Variants in EYS observed in about 807,000 individuals in gnomAD.
The protein encoded by EYS is protein eyes shut homolog.
EYS carries 250 observed loss-of-function variants against 282.1 expected under a neutral mutation model. That is an observed-to-expected ratio of 0.89 (90% CI 0.80 to 0.98). The LOEUF (loss-of-function observed/expected upper bound fraction) is 0.98. EYS is among the 50% of genes least tolerant of loss of function. The pLI, the probability that EYS is intolerant of heterozygous loss-of-function variation, is 0.00. For synonymous variants in EYS, 1,355 were observed against 1,282.9 expected, an observed-to-expected ratio of 1.06 and a Z score of -1.20; for missense variants, 4,016 against 3,709.0, an observed-to-expected ratio of 1.08 and a Z score of -2.15.
At chr6:64,445,430 A>G (rs947213034) in intron 26 of EYS, among the ~76,000 whole-genome samples, 2 of 152,214 alleles carry the variant, frequency 1.3e-5, no homozygotes, top group African/African-American at 4.8e-5. Flanking sequence ...AAGAAACTTT[A>G]TCTGAATTGT....
chr6:64,025,334 C>G (rs554731850), intron 33 of EYS, among the ~76,000 whole-genome samples: 2 of 152,114 alleles, frequency 1.3e-5, no homozygotes, highest in South Asian at 4.1e-4. Context: ...TCCGAGGTCC[C>G]AACAACAAGT....
intron 22 of EYS, among the ~76,000 whole-genome samples, chr6:64,663,226 C>CA (rs1479457725): frequency 2.6e-5 from 4 of 152,006 alleles, no homozygotes; most frequent in East Asian, 3.9e-4. Context: ...GCTTGTAAAA[C>CA]AAAAAAGCCA....
At chr6:65,233,519 A>T (rs1186595309) in intron 12 of EYS, among the ~76,000 whole-genome samples, 2 of 152,140 alleles carry the variant, frequency 1.3e-5, no homozygotes, top group Non-Finnish European at 2.9e-5. Flanking sequence ...ATTTTGCATA[A>T]GCTCTCCTTA....
At chr6:64,264,382 T>C (rs927132981) in intron 30 of EYS, among the ~76,000 whole-genome samples, 4 of 152,086 alleles carry the variant, frequency 2.6e-5, no homozygotes, top group African/African-American at 9.7e-5. Flanking sequence ...TGATCTAACT[T>C]GGTCTCAGTT....
intron 8 of EYS, among the ~76,000 whole-genome samples, chr6:65,371,727 CTCTCTCTCTCTCTCTGTGTGTGTG>C (rs781384683): frequency 2.3e-5 from 3 of 129,594 alleles, no homozygotes; most frequent in African/African-American, 2.9e-5. Context: ...CTCTCTCTCT[CTCTCTCTCTCTCTCTGTGTGTGTG>C]TGTGTGTGTG....
chr6:63,829,475 A>C (rs55678650), intron 36 of EYS, among the ~76,000 whole-genome samples: 18,306 of 152,212 alleles, frequency 0.12, 1,331 homozygotes, highest in African/African-American at 0.19. Flanking sequence ...CTAGCACAGC[A>C]GTCTGAGATT....
At chr6:65,422,260 A>G (rs941587774) in intron 5 of EYS, among the ~76,000 whole-genome samples, 3 of 151,956 alleles carry the variant, frequency 2.0e-5, no homozygotes, top group Admixed American at 1.3e-4. Context: ...GAAAATAAAT[A>G]AAGCTTCCAA....
chr6:64,157,239 C>A (rs1774958150), intron 31 of EYS, among the ~76,000 whole-genome samples: 1 of 152,046 alleles, frequency 6.6e-6, no homozygotes, highest in Admixed American at 6.6e-5. Context: ...TTTCTTATGG[C>A]TGCATAGTAT....
chr6:65,639,969 T>C (rs1378330157), intron 1 of EYS, 77 bp from the exon 2 acceptor site: 1 of 152,204 alleles, frequency 6.6e-6, no homozygotes, highest in Admixed American at 6.5e-5. Flanking sequence ...CCACATCTTA[T>C]GGAGGGATAT....
At position 65,594,242 on chromosome 6, in the gene EYS, C is replaced by T. The variant is rs573068559; in HGVS notation, c.-333+45536G>A. Among the ~76,000 whole-genome samples, 115 of 152,108 alleles carry T rather than the reference C, an allele frequency of 7.6e-4. 2 individuals are homozygous for T. The South Asian group carries it at 0.022, about 29-fold the overall frequency. On this transcript the variant is annotated intron_variant, in intron 2 of 42. Transcript: ENST00000503581. Reference sequence around the variant, plus strand: ...TATGCTTTATTTCATTTTCACCTCACAATATCCCTGTGAGATGAGAACACT... The same window carrying T: ...TATGCTTTATTTCATTTTCACCTCATAATATCCCTGTGAGATGAGAACACT...
intron 19 of EYS, among the ~76,000 whole-genome samples, chr6:64,873,742 G>A (rs1445493586): frequency 1.3e-5 from 2 of 151,856 alleles, no homozygotes; most frequent in Non-Finnish European, 2.9e-5. Flanking sequence ...ATGTTCATTA[G>A]CTTGACTGAA....
At chr6:64,463,852 C>T (rs2150487223) in intron 26 of EYS, among the ~76,000 whole-genome samples, 1 of 152,142 alleles carries the variant, frequency 6.6e-6, no homozygotes, top group Non-Finnish European at 1.5e-5. Flanking sequence ...TAACTTCTAC[C>T]AAAAAATTAA....
intron 29 of EYS, among the ~76,000 whole-genome samples, chr6:64,318,480 A>G (rs1442507704): frequency 1.3e-5 from 2 of 152,042 alleles, no homozygotes; most frequent in South Asian, 2.1e-4. Flanking sequence ...TTACAACTCA[A>G]CAATTTTAAA....
At chr6:64,067,823 A>T (rs1771430886) in intron 32 of EYS, among the ~76,000 whole-genome samples, 1 of 152,172 alleles carries the variant, frequency 6.6e-6, no homozygotes. Context: ...GAGATAGATT[A>T]TGCCACAGTT....
chr6:65,236,940 T>C (rs1034372198), intron 12 of EYS, among the ~76,000 whole-genome samples: 3 of 152,150 alleles, frequency 2.0e-5, no homozygotes, highest in African/African-American at 7.2e-5. Flanking sequence ...TTCAAAAACA[T>C]AAATTAAAAT....
chr6:64,190,467 A>G (rs1765069264), intron 31 of EYS, among the ~76,000 whole-genome samples: 1 of 152,168 alleles, frequency 6.6e-6, no homozygotes, highest in Non-Finnish European at 1.5e-5. Flanking sequence ...AGAGCATGCA[A>G]TCTCCAGGCA....
At chr6:65,501,168 C>A (rs183150611) in intron 2 of EYS, among the ~76,000 whole-genome samples, 15 of 151,792 alleles carry the variant, frequency 9.9e-5, no homozygotes, top group Non-Finnish European at 7.4e-5. Context: ...TGTAAGTAAT[C>A]TAGAATGGAA....
At chr6:64,332,246 T>C (rs999720194) in intron 29 of EYS, among the ~76,000 whole-genome samples, 2 of 152,200 alleles carry the variant, frequency 1.3e-5, no homozygotes, top group Non-Finnish European at 1.5e-5. Context: ...CCCTGTGAGA[T>C]AGTGTTCGGC....
chr6:63,807,313 G>T (rs1770932070), intron 36 of EYS, among the ~76,000 whole-genome samples: 1 of 152,134 alleles, frequency 6.6e-6, no homozygotes, highest in Non-Finnish European at 1.5e-5. Flanking sequence ...AGCTTATGTT[G>T]TTTCCTTCTC....
Sources: allele counts gnomAD v4.1 joint callset (sites outside exome capture counted in the v4.1 genomes callset), GRCh38; gene constraint gnomAD v4.1.1; transcripts MANE v1.5; gene names NCBI Gene and HGNC (gene_info 2026-07-23, HGNC 2026-07-21).